The following TMF1 variants were observed in gnomAD, a reference collection of about 807,000 sequenced individuals.
The protein encoded by TMF1 is TATA element modulatory factor 1.
In TMF1, 71 loss-of-function variants were observed where a neutral mutation model predicts 126.5. That is an observed-to-expected ratio of 0.56 (90% CI 0.46 to 0.68). The LOEUF is 0.68. TMF1 is among the 30% of genes least tolerant of loss of function. TMF1 has a pLI of 0.00. For missense variants in TMF1, 1,259 were observed against 1,253.2 expected (o/e 1.00, Z -0.07); for synonymous variants, 461 against 430.5 (o/e 1.07, Z -0.88).
chr3:69,042,951 C>T, intron 4 of TMF1, 39 bp from the exon 5 acceptor site: 1 of 1,401,482 alleles, frequency 7.1e-7, no homozygotes, highest in South Asian at 1.2e-5. Context: ...TAAAGAATGA[C>T]TTTCACTCTA....
At chr3:69,024,225 T>C (rs901583615) in intron 15 of TMF1, 45 bp from the exon 16 acceptor site, 2 of 1,504,942 alleles carry the variant, frequency 1.3e-6, no homozygotes, top group Non-Finnish European at 1.8e-6. Context: ...AACATATCTT[T>C]TTTAATACTC....
chr3:69,024,268 G>T (rs1412306833), intron 15 of TMF1, 88 bp from the exon 16 acceptor site: 289 of 925,288 alleles, frequency 3.1e-4, no homozygotes, highest in Middle Eastern at 8.1e-4. Flanking sequence ...TGTGTGTGTG[G>T]TTTTTTTTTT....
In TMF1 at chr3:69,052,169, C is replaced by G; in HGVS notation, c.-83G>C. 1 of 1,429,034 alleles carries G rather than the reference C, an allele frequency of 7.0e-7. No individual in the cohort carries two copies. Among genetic ancestry groups the G allele is most frequent in the Non-Finnish European group, 9.3e-7 (1 of 1,074,558 alleles). 88.5% of individuals were successfully genotyped at this position (1,429,034 alleles called of 1,614,324 possible). ...GGGGAAGGGTGCAGAGGAACGGCTT[C>G]GCTCCCCTTTTCCACTCGGCTGGTT... On this transcript the variant is annotated 5_prime_UTR_variant, in exon 1 of 17. Transcript: ENST00000398559.
At chr3:69,027,797 G>T (rs2091778338) in intron 13 of TMF1, 103 bp downstream of exon 13, 1 of 602,514 alleles carries the variant, frequency 1.7e-6, no homozygotes, top group Non-Finnish European at 2.8e-6. Flanking sequence ...GCCACAGGTT[G>T]GACAAGCTTG....
chr3:69,048,801 G>C (rs533035613), intron 1 of TMF1: 2 of 384,718 alleles, frequency 5.2e-6, no homozygotes, highest in East Asian at 4.4e-5. Context: ...ACAGACAAAA[G>C]ACTGGGCCTG....
At chr3:69,035,321 ATT>A in intron 8 of TMF1, 1 of 548,234 alleles carries the variant, frequency 1.8e-6, no homozygotes, top group South Asian at 2.3e-5. Context: ...TTAGAAAAGC[ATT>A]CTGTTAAGGC....
At chr3:69,030,735 A>G (rs1318755191) in intron 10 of TMF1, 1 of 152,256 alleles carries the variant, frequency 6.6e-6, no homozygotes, top group African/African-American at 2.4e-5. Context: ...TCATAATGAG[A>G]TATCACTACA....
chr3:69,044,434 C>T, intron 3 of TMF1, 58 bp downstream of exon 3: 1 of 926,676 alleles, frequency 1.1e-6, no homozygotes, highest in South Asian at 1.8e-5. Flanking sequence ...TAAATATGTA[C>T]AAAGTATACA....
rs200894146 is a variant in TMF1 at position 69,030,027 on chromosome 3, A to G, written c.2402-20T>C. The G allele has an allele frequency of 1.9e-6, 3 of 1,591,092 alleles. No homozygotes were observed. Among genetic ancestry groups the G allele is most frequent in the Non-Finnish European group, 8.5e-7 (1 of 1,171,466 alleles). On this transcript the variant is annotated intron_variant, in intron 10 of 16. Coordinates refer to ENST00000398559, the MANE Select transcript of TMF1 (RefSeq NM_007114.3). ...ATTCACCTGATTACAGGACAGAAAA[A>G]AAAATCACATACACATACAGCCCAG... is the stretch of plus-strand genomic sequence containing the variant.
rs570648430 is a variant in TMF1 at position 69,022,913 on chromosome 3, ATC to A, written c.*262_*263del. 1.5e-3 allele frequency: 425 copies of A among 284,692 alleles called. 1 individual carries two copies. The highest frequency in any genetic ancestry group is 5.7e-3 in the Middle Eastern group (5 of 874). 17.6% of individuals were successfully genotyped at this position (284,692 alleles called of 1,614,324 possible). ...TATTTATATGAGGATAAAGTAATAAATCTCTGTGCTATTCAAGGAAAAAAAAT... is the reference window on the plus strand; with the variant it reads ...TATTTATATGAGGATAAAGTAATAAATCTGTGCTATTCAAGGAAAAAAAAT... On this transcript the variant is annotated 3_prime_UTR_variant, in exon 17 of 17. Coordinates refer to ENST00000398559, the MANE Select transcript of TMF1 (RefSeq NM_007114.3).
intron 12 of TMF1, 56 bp downstream of exon 12, chr3:69,028,170 C>T: frequency 6.8e-7 from 1 of 1,470,060 alleles, no homozygotes; most frequent in Non-Finnish European, 9.5e-7. Context: ...TTGCTGCCAT[C>T]CCCAACCATT....
intron 9 of TMF1, among the ~76,000 whole-genome samples, chr3:69,034,742 C>A (rs958111088): frequency 6.6e-6 from 1 of 152,166 alleles, no homozygotes; most frequent in Non-Finnish European, 1.5e-5. Context: ...TAATCAAAGA[C>A]TGACAATCAT....
At chr3:69,041,287 TATCATTA>T (rs1324200212) in intron 5 of TMF1, among the ~76,000 whole-genome samples, 1 of 152,324 alleles carries the variant, frequency 6.6e-6, no homozygotes, top group African/African-American at 2.4e-5. Flanking sequence ...AATTGTGTTT[TATCATTA>T]TCTGTGTTCC....
chr3:69,042,017 G>A (rs1394465174), intron 5 of TMF1, among the ~76,000 whole-genome samples: 1 of 152,038 alleles, frequency 6.6e-6, no homozygotes, highest in Admixed American at 6.6e-5. Context: ...TTTAATTTCT[G>A]TAATGCTATT....
chr3:69,034,974 G>C (rs759518991), intron 9 of TMF1, 49 bp downstream of exon 9: 10 of 1,504,390 alleles, frequency 6.6e-6, no homozygotes, highest in Non-Finnish European at 8.3e-6. Context: ...TTTATTTCTA[G>C]AAAAACACAT....
At position 69,026,043 on chromosome 3, in the gene TMF1, T is replaced by C. The variant is rs960023783; in HGVS notation, c.2812A>G (p.Ile938Val). Residue 938 changes from isoleucine (I) to valine (V), a missense_variant, in exon 14 of 17, where the codon ATA (isoleucine) becomes GTA (valine). Coordinates refer to ENST00000398559, the MANE Select transcript of TMF1 (RefSeq NM_007114.3). ...AGTCCTGCCATATCAACACCACTTA[T>C]TGAACTTGAGCGTGACATGGTGGGA... is the stretch of plus-strand genomic sequence containing the variant. ...STPTMSRSSS[I>V]SGVDMAGLQT... 8 of 1,614,136 alleles carry C rather than the reference T, an allele frequency of 5.0e-6. No homozygotes were observed. Among genetic ancestry groups the C allele is most frequent in the African/African-American group, 2.7e-5 (2 of 75,048 alleles).
chr3:69,042,863 T>A lies in TMF1; in HGVS notation c.1628A>T (p.Glu543Val), dbSNP rs201210501. 267 of 1,613,624 alleles carry A rather than the reference T, an allele frequency of 1.7e-4. No individual in the cohort carries two copies. The highest frequency in any genetic ancestry group is 2.0e-4 in the Non-Finnish European group (241 of 1,179,904). The change falls in exon 5 of 17, where the codon GAA (glutamate) becomes GTA (valine). Residue 543 changes from glutamate (E) to valine (V), a missense_variant. Coordinates refer to ENST00000398559, the MANE Select transcript of TMF1 (RefSeq NM_007114.3). ...TTTCTCTTTCAAAAGGTCTGCAGTTTCACTACTATTTAATCTAGTGGCAAG... is the reference window on the plus strand; with the variant it reads ...TTTCTCTTTCAAAAGGTCTGCAGTTACACTACTATTTAATCTAGTGGCAAG... ...EELATRLNSS[E>V]TADLLKEKDE... is the part of the protein sequence containing the mutation.
chr3:69,041,408 T>C (rs954242051), intron 5 of TMF1, among the ~76,000 whole-genome samples: 1 of 152,162 alleles, frequency 6.6e-6, no homozygotes, highest in African/African-American at 2.4e-5. Flanking sequence ...TAAATATTAG[T>C]TGAATAAATG....
chr3:69,025,468 A>G, intron 15 of TMF1, 92 bp downstream of exon 15: 1 of 1,273,744 alleles, frequency 7.9e-7, no homozygotes, highest in Non-Finnish European at 1.1e-6. Context: ...TTGTTTCTCA[A>G]TTTGCTCAGA....
Sources: allele counts gnomAD v4.1 joint callset (sites outside exome capture counted in the v4.1 genomes callset), GRCh38; gene constraint gnomAD v4.1.1; transcripts MANE v1.5; gene names NCBI Gene and HGNC (gene_info 2026-07-23, HGNC 2026-07-21).